Variants in KHDRBS2 observed in about 807,000 individuals in gnomAD.
KHDRBS2 encodes the protein KH RNA binding domain containing, signal transduction associated 2.
KHDRBS2 carries 26 observed loss-of-function variants against 44.3 expected under a neutral mutation model. The observed-to-expected ratio is 0.59, with a 90% CI of 0.43 to 0.81. The LOEUF (loss-of-function observed/expected upper bound fraction) is 0.81, where lower values mean the gene tolerates loss of function less well. Among genes scored for constraint, KHDRBS2 ranks in the 40% least tolerant of loss-of-function variants. The pLI is 0.00. For missense variants in KHDRBS2, 476 were observed against 433.1 expected (o/e 1.10, Z -0.88); for synonymous variants, 194 against 151.1 (o/e 1.28, Z -2.08).
At chr6:61,812,786 T>A (rs1324509324) in intron 6 of KHDRBS2, among the ~76,000 whole-genome samples, 10 of 152,076 alleles carry the variant, frequency 6.6e-5, no homozygotes, top group Non-Finnish European at 4.4e-5. Context: ...AAAATATTGA[T>A]AATAAACCAT....
At chr6:61,910,234 A>G (rs1259476733) in intron 4 of KHDRBS2, among the ~76,000 whole-genome samples, 2 of 152,256 alleles carry the variant, frequency 1.3e-5, no homozygotes, top group Non-Finnish European at 2.9e-5. Context: ...AGAACATGCT[A>G]TTAAATAACA....
At chr6:61,571,682 A>C in the KHDRBS2 span, among the ~76,000 whole-genome samples, 23 of 152,240 alleles carry the variant, frequency 1.5e-4, no homozygotes, top group African/African-American at 5.5e-4. Context: ...AGTCTCAATA[A>C]ATTTAAGAAA....
At chr6:61,677,528 G>A (rs1766012369), downstream of KHDRBS2, among the ~76,000 whole-genome samples, 1 of 151,884 alleles carries the variant, frequency 6.6e-6, no homozygotes, top group Non-Finnish European at 1.5e-5. Flanking sequence ...CTCAGGTGAA[G>A]GGGCAGTTAG....
intron 6 of KHDRBS2, among the ~76,000 whole-genome samples, chr6:61,825,721 A>G (rs180761202): frequency 1.4e-4 from 21 of 152,264 alleles, no homozygotes; most frequent in African/African-American, 4.8e-4. Context: ...CTGCAGCCCA[A>G]GAATCTGGGT....
chr6:61,813,908 C>T (rs1788504026), intron 6 of KHDRBS2: 1 of 455,756 alleles, frequency 2.2e-6, no homozygotes, highest in Non-Finnish European at 4.4e-6. Context: ...TTATTACTCC[C>T]TGCTTTTACT....
intron 1 of KHDRBS2, among the ~76,000 whole-genome samples, chr6:62,220,254 C>G (rs1187101935): frequency 6.6e-6 from 1 of 151,824 alleles, no homozygotes; most frequent in South Asian, 2.1e-4. Context: ...CACCAACAAA[C>G]TTGTACAATT....
intron 1 of KHDRBS2, among the ~76,000 whole-genome samples, chr6:62,232,032 C>T (rs1832975890): frequency 6.6e-6 from 1 of 152,086 alleles, no homozygotes; most frequent in East Asian, 1.9e-4. Context: ...TACTCATTTG[C>T]TGTACTCTTT....
At chr6:61,782,685 T>TTG (rs1180268427) in intron 6 of KHDRBS2, among the ~76,000 whole-genome samples, 735 of 43,890 alleles carry the variant, frequency 0.017, 14 homozygotes, top group South Asian at 0.042. Context: ...TGTATAAAGG[T>TTG]TGTGTATATA....
At chr6:61,920,519 T>C (rs1276096209) in intron 4 of KHDRBS2, among the ~76,000 whole-genome samples, 1 of 151,940 alleles carries the variant, frequency 6.6e-6, no homozygotes, top group Non-Finnish European at 1.5e-5. Context: ...CTTTAAAGAA[T>C]TTTAGTTAAA....
chr6:62,112,438 C>T (rs982635872), intron 2 of KHDRBS2, among the ~76,000 whole-genome samples: 19 of 152,018 alleles, frequency 1.2e-4, no homozygotes, highest in Non-Finnish European at 2.4e-4. Context: ...AGTAGAGCAA[C>T]AAGACTAGAT....
the KHDRBS2 span, among the ~76,000 whole-genome samples, chr6:61,587,148 C>T: frequency 6.6e-6 from 1 of 152,168 alleles, no homozygotes; most frequent in Non-Finnish European, 1.5e-5. Context: ...AGCAAGCCTC[C>T]TAATGAGGAA....
the KHDRBS2 span, among the ~76,000 whole-genome samples, chr6:61,590,733 G>A: frequency 6.6e-6 from 1 of 151,948 alleles, no homozygotes; most frequent in Non-Finnish European, 1.5e-5. Context: ...TATGATGAGG[G>A]GACTGAGCTA....
intron 6 of KHDRBS2, among the ~76,000 whole-genome samples, chr6:61,869,871 A>C (rs1230214986): frequency 1.3e-5 from 2 of 152,018 alleles, no homozygotes; most frequent in Non-Finnish European, 2.9e-5. Flanking sequence ...GCAGACCAGG[A>C]GATTCCCTCC....
chr6:61,841,892 GT>G (rs1272422322), intron 6 of KHDRBS2, among the ~76,000 whole-genome samples: 1 of 152,062 alleles, frequency 6.6e-6, no homozygotes, highest in African/African-American at 2.4e-5. Flanking sequence ...CCTCATTTGT[GT>G]TTTTTATCAT....
At chr6:61,914,337 T>A (rs1353741369) in intron 4 of KHDRBS2, among the ~76,000 whole-genome samples, 2 of 152,060 alleles carry the variant, frequency 1.3e-5, no homozygotes, top group African/African-American at 4.8e-5. Context: ...AGTTACTGAA[T>A]GTGGGCTTCC....
intron 7 of KHDRBS2, among the ~76,000 whole-genome samples, chr6:61,705,748 C>G (rs1304769913): frequency 6.6e-6 from 1 of 151,826 alleles, no homozygotes; most frequent in Non-Finnish European, 1.5e-5. Context: ...CAGCTACCAT[C>G]AAGAACAAGG....
chr6:62,064,130 A>G (rs551069089), intron 2 of KHDRBS2, among the ~76,000 whole-genome samples: 1 of 61,564 alleles, frequency 1.6e-5, no homozygotes, highest in East Asian at 6.8e-4. Flanking sequence ...GAAATAAAAG[A>G]GTATACAAAC....
chr6:61,956,347 A>G (rs1323261467), intron 4 of KHDRBS2, among the ~76,000 whole-genome samples: 2 of 152,228 alleles, frequency 1.3e-5, no homozygotes, highest in Non-Finnish European at 2.9e-5. Context: ...CACACTTAAA[A>G]GACATCATAG....
At chr6:61,755,518 A>T (rs983531774) in intron 6 of KHDRBS2, among the ~76,000 whole-genome samples, 1 of 152,084 alleles carries the variant, frequency 6.6e-6, no homozygotes, top group African/African-American at 2.4e-5. Context: ...TGTGTATAAA[A>T]TTCAGGAGAT....
Sources: allele counts gnomAD v4.1 joint callset (sites outside exome capture counted in the v4.1 genomes callset), GRCh38; gene constraint gnomAD v4.1.1; transcripts MANE v1.5; gene names NCBI Gene and HGNC (gene_info 2026-07-23, HGNC 2026-07-21).